The following CSMD1 variants were observed in gnomAD, a reference collection of about 807,000 sequenced individuals.
CSMD1 encodes CUB and sushi domain-containing protein 1.
Under a neutral mutation model 417.5 loss-of-function variants are expected in CSMD1, and 213 were observed. That is an observed-to-expected ratio of 0.51 (90% CI 0.46 to 0.57). CSMD1 has a LOEUF of 0.57. Among genes scored for constraint, CSMD1 ranks in the 20% least tolerant of loss-of-function variants. CSMD1 has a pLI of 0.00. For missense variants in CSMD1, 6,923 were observed against 4,529.7 expected (o/e 1.53, Z -15.17); for synonymous variants, 2,862 against 1,736.8 (o/e 1.65, Z -16.11).
chr8:4,513,253 G>A (rs573389423), intron 2 of CSMD1, among the ~76,000 whole-genome samples: 1 of 152,122 alleles, frequency 6.6e-6, no homozygotes, highest in Admixed American at 6.6e-5. Flanking sequence ...TGTGGGGACA[G>A]GGGGTATATA....
At chr8:3,769,293 G>A (rs1207039906) in intron 5 of CSMD1, among the ~76,000 whole-genome samples, 1 of 151,844 alleles carries the variant, frequency 6.6e-6, no homozygotes, top group Non-Finnish European at 1.5e-5. Context: ...GCTAAATAGT[G>A]GTCTTTAGTT....
At chr8:4,800,169 C>T (rs1798200360) in intron 1 of CSMD1, among the ~76,000 whole-genome samples, 1 of 152,216 alleles carries the variant, frequency 6.6e-6, no homozygotes, top group Middle Eastern at 3.4e-3. Context: ...CCGGCCGTGA[C>T]GGCTCATGCC....
At chr8:3,256,276 G>A (rs531124888) in intron 26 of CSMD1, among the ~76,000 whole-genome samples, 40 of 137,306 alleles carry the variant, frequency 2.9e-4, no homozygotes, top group African/African-American at 1.1e-3. Context: ...TCAGTGGGCT[G>A]ATATTGTTTG....
intron 5 of CSMD1, among the ~76,000 whole-genome samples, chr8:3,807,160 C>G (rs1800788856): frequency 6.6e-6 from 1 of 152,152 alleles, no homozygotes; most frequent in African/African-American, 2.4e-5. Flanking sequence ...GATCCACAGC[C>G]TTTAATTTTC....
intron 3 of CSMD1, among the ~76,000 whole-genome samples, chr8:4,063,608 T>C (rs935027923): frequency 6.6e-6 from 1 of 152,156 alleles, no homozygotes; most frequent in Non-Finnish European, 1.5e-5. Context: ...CCACGTACGT[T>C]TCCAGTTCAG....
intron 3 of CSMD1, among the ~76,000 whole-genome samples, chr8:4,375,747 A>G (rs1802693210): frequency 6.6e-6 from 1 of 152,184 alleles, no homozygotes; most frequent in South Asian, 2.1e-4. Flanking sequence ...TGCCTGCACC[A>G]TGCCCTGCCC....
intron 7 of CSMD1, among the ~76,000 whole-genome samples, chr8:3,703,863 G>T (rs575035905): frequency 5.9e-5 from 9 of 152,248 alleles, no homozygotes; most frequent in African/African-American, 2.2e-4. Flanking sequence ...CTGAGGTCAG[G>T]AGTTTGAGAC....
At chr8:3,827,788 T>A (rs535591180) in intron 5 of CSMD1, among the ~76,000 whole-genome samples, 1 of 152,198 alleles carries the variant, frequency 6.6e-6, no homozygotes, top group African/African-American at 2.4e-5. Context: ...ATCCTATAAA[T>A]TATTGCCAGT....
intron 1 of CSMD1, among the ~76,000 whole-genome samples, chr8:4,960,814 C>T (rs900259939): frequency 6.6e-6 from 1 of 152,064 alleles, no homozygotes. Context: ...AATGGTAAAA[C>T]TATTTTATCA....
At chr8:3,849,241 C>T (rs781512825) in intron 5 of CSMD1, among the ~76,000 whole-genome samples, 3 of 152,014 alleles carry the variant, frequency 2.0e-5, no homozygotes, top group African/African-American at 7.3e-5. Flanking sequence ...AGGAATAAAA[C>T]GAAACAAAAC....
chr8:3,998,059 C>A lies in CSMD1; in HGVS notation c.662G>T (p.Ser221Ile). ...CTCGTACTCTGAAGGGAAGTGCGGG[C>A]TGGAGATGGAGCTGCTGGTCCCGCG... ...TLRGTSSSIS[S>I]PHFPSEYENN... is the part of the protein sequence containing the mutation. The change falls in exon 5 of 70, where the codon AGC (serine) becomes ATC (isoleucine). Residue 221 changes from serine (S) to isoleucine (I), a missense_variant. Transcript: ENST00000635120. 6.3e-7 allele frequency: 1 copy of A among 1,596,472 alleles called. No homozygotes were observed. Among genetic ancestry groups the A allele is most frequent in the Non-Finnish European group, 8.5e-7 (1 of 1,170,880 alleles).
chr8:4,157,330 G>C (rs1343224361), intron 3 of CSMD1, among the ~76,000 whole-genome samples: 2 of 152,206 alleles, frequency 1.3e-5, no homozygotes, highest in Admixed American at 6.5e-5. Context: ...AGGGTGGGCA[G>C]AGCCCAAGAT....
chr8:3,460,547 T>G (rs1816432508), intron 12 of CSMD1, among the ~76,000 whole-genome samples: 2 of 152,020 alleles, frequency 1.3e-5, no homozygotes, highest in African/African-American at 4.8e-5. Context: ...AAATGAAGTT[T>G]CGACCACTAC....
At chr8:3,429,574 C>G (rs868868865) in intron 12 of CSMD1, among the ~76,000 whole-genome samples, 1 of 152,146 alleles carries the variant, frequency 6.6e-6, no homozygotes, top group Non-Finnish European at 1.5e-5. Context: ...GGTATTCGCA[C>G]TCTGGGAGGG....
In CSMD1 at chr8:4,710,585, C is replaced by T. The variant is rs559973050; in HGVS notation, c.86-73027G>A. On this transcript the variant is annotated intron_variant, in intron 1 of 69. Coordinates refer to ENST00000635120, the MANE Select transcript of CSMD1 (RefSeq NM_033225.6). ...TGGCTTCTGGGTGCGGTGGCTCACG[C>T]TTGTGATCCCAGCACTTTGGGAGAC... Among the ~76,000 whole-genome samples the T allele has an allele frequency of 2.6e-5, 4 of 151,180 alleles. No homozygotes were observed. In the South Asian group the frequency reaches 8.3e-4, roughly 31 times the overall value.
At chr8:3,600,493 G>T in intron 8 of CSMD1, among the ~76,000 whole-genome samples, 1 of 152,164 alleles carries the variant, frequency 6.6e-6, no homozygotes, top group East Asian at 1.9e-4. Context: ...TTGGAAAAGG[G>T]ACGCCAAGTG....
At chr8:4,755,790 A>G (rs1288993070) in intron 1 of CSMD1, among the ~76,000 whole-genome samples, 2 of 152,058 alleles carry the variant, frequency 1.3e-5, no homozygotes, top group African/African-American at 4.8e-5. Context: ...CATGAACGCT[A>G]TTTTTTCCAT....
chr8:3,375,620 G>C (rs1032049245), intron 18 of CSMD1, among the ~76,000 whole-genome samples: 3 of 152,020 alleles, frequency 2.0e-5, no homozygotes, highest in East Asian at 3.9e-4. Flanking sequence ...TCCACCAAAA[G>C]GAATCTTGTG....
chr8:3,015,174 C>G (rs1808729932), intron 52 of CSMD1, among the ~76,000 whole-genome samples: 1 of 151,792 alleles, frequency 6.6e-6, no homozygotes, highest in Admixed American at 6.6e-5. Flanking sequence ...TTGTTTCAAG[C>G]ATAACTGAGG....
Sources: allele counts gnomAD v4.1 joint callset (sites outside exome capture counted in the v4.1 genomes callset), GRCh38; gene constraint gnomAD v4.1.1; transcripts MANE v1.5; gene names NCBI Gene and HGNC (gene_info 2026-07-23, HGNC 2026-07-21).